CDKL4: variants seen among roughly 807,000 people sequenced by gnomAD.
The protein encoded by CDKL4 is cyclin-dependent kinase-like 4.
Under a neutral mutation model 42.0 loss-of-function variants are expected in CDKL4, and 44 were observed. The ratio of observed to expected loss-of-function variants is 1.05; its 90% CI spans 0.82 to 1.35. CDKL4 has a LOEUF of 1.35. Among genes scored for constraint, CDKL4 ranks in the 40% most tolerant of loss-of-function variants. CDKL4 has a pLI of 0.00. For synonymous variants in CDKL4, 120 were observed against 121.6 expected (o/e 0.99, Z 0.09); for missense variants, 393 against 369.9 (o/e 1.06, Z -0.51).
At chr2:39,228,907 G>A (rs908664758) in intron 2 of CDKL4, among the ~76,000 whole-genome samples, 2 of 152,126 alleles carry the variant, frequency 1.3e-5, no homozygotes, top group African/African-American at 2.4e-5. Flanking sequence ...GTACGTTACC[G>A]GGGGTGCTAT....
chr2:39,213,752 A>G (rs1027250922), intron 3 of CDKL4, among the ~76,000 whole-genome samples: 8 of 152,164 alleles, frequency 5.3e-5, no homozygotes, highest in African/African-American at 1.9e-4. Flanking sequence ...AAAGAAAAGG[A>G]AAGGAATAAA....
chr2:39,245,297 C>A (rs1403469609), upstream of CDKL4, among the ~76,000 whole-genome samples: 3 of 152,056 alleles, frequency 2.0e-5, no homozygotes, highest in Non-Finnish European at 4.4e-5. Flanking sequence ...CAACTCCAGA[C>A]GCGCTGCCTT....
intron 4 of CDKL4, among the ~76,000 whole-genome samples, chr2:39,209,748 T>A (rs563214287): frequency 1.1e-3 from 161 of 152,210 alleles, no homozygotes; most frequent in African/African-American, 3.2e-3. Flanking sequence ...AAGCTGTGAG[T>A]CGTCAGCAAC....
At chr2:39,174,932 A>C (rs1675105787), downstream of CDKL4, among the ~76,000 whole-genome samples, 1 of 152,052 alleles carries the variant, frequency 6.6e-6, no homozygotes, top group Non-Finnish European at 1.5e-5. Flanking sequence ...TATGTATGTC[A>C]AGTTTAGTTG....
At chr2:39,188,187 T>C (rs1346030853) in intron 6 of CDKL4, among the ~76,000 whole-genome samples, 1 of 152,166 alleles carries the variant, frequency 6.6e-6, no homozygotes, top group African/African-American at 2.4e-5. Flanking sequence ...GGAATGGGAT[T>C]CTGCAGACGC....
At chr2:39,207,084 C>G (rs1677244137) in intron 4 of CDKL4, among the ~76,000 whole-genome samples, 1 of 151,998 alleles carries the variant, frequency 6.6e-6, no homozygotes, top group Admixed American at 6.6e-5. Context: ...GCCTTAGACA[C>G]TAATTAAAAA....
chr2:39,196,615 CT>C (rs199571786), intron 5 of CDKL4, among the ~76,000 whole-genome samples: 4,928 of 149,394 alleles, frequency 0.033, 115 homozygotes, highest in African/African-American at 0.061. Flanking sequence ...AAATAAGGTT[CT>C]TTTTTTTTTG....
At chr2:39,199,053 G>T (rs1020280754) in intron 5 of CDKL4, among the ~76,000 whole-genome samples, 3 of 151,962 alleles carry the variant, frequency 2.0e-5, no homozygotes, top group Non-Finnish European at 4.4e-5. Flanking sequence ...ACACAAATCT[G>T]GTTCTTTGAA....
At chr2:39,187,372 A>C (rs1234379102) in intron 7 of CDKL4, among the ~76,000 whole-genome samples, 1 of 152,140 alleles carries the variant, frequency 6.6e-6, no homozygotes, top group Non-Finnish European at 1.5e-5. Flanking sequence ...AACAGAAGCC[A>C]AAAACACAAA....
intron 4 of CDKL4, 65 bp downstream of exon 4, chr2:39,213,335 G>T: frequency 1.9e-6 from 2 of 1,079,292 alleles, no homozygotes; most frequent in South Asian, 1.4e-5. Context: ...ACAAAACCCT[G>T]AGCTATTTAG....
upstream of CDKL4, among the ~76,000 whole-genome samples, chr2:39,245,986 T>A (rs990566839): frequency 1.3e-5 from 2 of 152,242 alleles, no homozygotes; most frequent in Non-Finnish European, 2.9e-5. Context: ...GGAGATAATG[T>A]ATTACTTGGG....
At position 39,223,626 on chromosome 2, in the gene CDKL4, A is replaced by G. The variant is rs533341389; in HGVS notation, c.290+2213T>C. 3.2e-3 allele frequency among the ~76,000 whole-genome samples: 467 copies of G among 147,994 alleles called. 4 individuals carry two copies. The highest frequency in any genetic ancestry group is 0.011 in the African/African-American group (437 of 39,040). ...ACTTCTGTCTTCAAAAAAAAAAAAA[A>G]AAGAGAGATGGGGTCTCACTCTGTT... is the stretch of plus-strand genomic sequence containing the variant. On this transcript the variant is annotated intron_variant, in intron 3 of 9. Transcript: ENST00000451199.
Position 39,204,618 on chromosome 2 carries a change from C to T in CDKL4, c.364-1G>A. The T allele has an allele frequency of 1.4e-6, 2 of 1,392,708 alleles. No homozygotes were observed. The highest frequency in any genetic ancestry group is 2.0e-6 in the Non-Finnish European group (2 of 985,292). 86.3% of individuals were successfully genotyped at this position (1,392,708 alleles called of 1,614,324 possible). A position where few individuals can be genotyped will look rare whatever the true frequency, so the allele number is the denominator to read the frequency against. ...CAGGTTTTATATCTCTGTGAATACACTGTAAGATCATTATTTGATTATTTT... is the reference window on the plus strand; with the variant it reads ...CAGGTTTTATATCTCTGTGAATACATTGTAAGATCATTATTTGATTATTTT... On this transcript the variant is annotated splice_acceptor_variant, in intron 4 of 9. Transcript: ENST00000451199. LOFTEE classifies it high-confidence loss of function.
chr2:39,212,198 T>C (rs1677626143), intron 4 of CDKL4, among the ~76,000 whole-genome samples: 1 of 151,906 alleles, frequency 6.6e-6, no homozygotes, highest in South Asian at 2.1e-4. Context: ...TGATGCATGC[T>C]CAAGCTTGAG....
At chr2:39,208,299 A>C (rs1677336473) in intron 4 of CDKL4, among the ~76,000 whole-genome samples, 1 of 152,036 alleles carries the variant, frequency 6.6e-6, no homozygotes, top group Non-Finnish European at 1.5e-5. Context: ...GAAACATGCA[A>C]GTCTCTCTTA....
At chr2:39,217,470 G>GT (rs1424863328) in intron 3 of CDKL4, among the ~76,000 whole-genome samples, 1 of 152,150 alleles carries the variant, frequency 6.6e-6, no homozygotes, top group Non-Finnish European at 1.5e-5. Context: ...TTATAAAAAC[G>GT]TAATAGGGGA....
At chr2:39,179,197 C>T (rs1675299432) in exon 9 of CDKL4, 3 of 1,604,424 alleles carry the variant, frequency 1.9e-6, no homozygotes, top group African/African-American at 1.3e-5. Flanking sequence ...CTGTTGGCGT[C>T]TTCTGTTTCT....
chr2:39,182,433 G>A (rs1024522675), intron 8 of CDKL4, among the ~76,000 whole-genome samples: 9 of 152,172 alleles, frequency 5.9e-5, no homozygotes, highest in African/African-American at 2.2e-4. Context: ...GTCTGAGCTG[G>A]AACAATGTCC....
intron 9 of CDKL4, chr2:39,178,878 T>C: frequency 6.8e-7 from 1 of 1,468,862 alleles, no homozygotes; most frequent in Non-Finnish European, 9.0e-7. Context: ...ATCAGCATTT[T>C]ATTATATGAA....
Sources: allele counts gnomAD v4.1 joint callset (sites outside exome capture counted in the v4.1 genomes callset), GRCh38; gene constraint gnomAD v4.1.1; transcripts MANE v1.5; gene names NCBI Gene and HGNC (gene_info 2026-07-23, HGNC 2026-07-21).